The following ATG7 variants were observed in gnomAD, a reference collection of about 807,000 sequenced individuals.
ATG7 encodes the protein ubiquitin-like modifier-activating enzyme ATG7.
In ATG7, 70 loss-of-function variants were observed where a neutral mutation model predicts 82.4. The ratio of observed to expected loss-of-function variants is 0.85; its 90% confidence interval spans 0.70 to 1.04. The LOEUF is 1.04. ATG7 is among the 50% of genes least tolerant of loss of function. The pLI is 0.00. For synonymous variants in ATG7, 287 were observed against 313.0 expected, an observed-to-expected ratio of 0.92 and a Z score of 0.88; for missense variants, 792 against 864.3, an observed-to-expected ratio of 0.92 and a Z score of 1.05.
intron 14 of ATG7, among the ~76,000 whole-genome samples, chr3:11,350,061 A>T (rs1261951462): frequency 6.6e-6 from 1 of 152,214 alleles, no homozygotes. Context: ...AGAGGTTCTC[A>T]GTCCTAACAA....
downstream of ATG7, chr3:11,559,275 A>T: frequency 4.1e-6 from 6 of 1,473,984 alleles, no homozygotes; most frequent in Non-Finnish European, 5.4e-6. Context: ...CATGACAGAG[A>T]AGGGCTCTGC....
At chr3:11,491,397 C>T (rs1452087898) in intron 20 of ATG7, among the ~76,000 whole-genome samples, 1 of 152,150 alleles carries the variant, frequency 6.6e-6, no homozygotes, top group African/African-American at 2.4e-5. Context: ...AAGTTTTCAA[C>T]TTCTTTGCCT....
intron 18 of ATG7, among the ~76,000 whole-genome samples, chr3:11,377,611 TAGAGA>T (rs1459807373): frequency 6.6e-6 from 1 of 152,242 alleles, no homozygotes; most frequent in African/African-American, 2.4e-5. Context: ...AAAACCATAT[TAGAGA>T]AAACAGCATG....
chr3:11,435,738 G>C (rs1430544122), intron 20 of ATG7, among the ~76,000 whole-genome samples: 1 of 152,094 alleles, frequency 6.6e-6, no homozygotes, highest in East Asian at 1.9e-4. Context: ...CCATCATTTT[G>C]TAGGATGTGA....
At chr3:11,303,748 T>G (rs897607783) in intron 5 of ATG7, among the ~76,000 whole-genome samples, 18 of 151,042 alleles carry the variant, frequency 1.2e-4, no homozygotes, top group African/African-American at 4.4e-4. Context: ...TGGGTTTCTT[T>G]CCCTTGAGGA....
intron 20 of ATG7, among the ~76,000 whole-genome samples, chr3:11,492,329 G>A (rs1332387710): frequency 3.3e-5 from 5 of 152,140 alleles, no homozygotes; most frequent in Non-Finnish European, 5.9e-5. Flanking sequence ...GCTCGCACAC[G>A]GTGCTCTGCA....
chr3:11,554,919 A>C lies in ATG7; in HGVS notation c.*76A>C, dbSNP rs2072262212. The C allele has an allele frequency of 1.9e-6, 3 of 1,547,534 alleles. No individual in the cohort carries two copies. The highest frequency in any genetic ancestry group is 2.3e-5 in the South Asian group (2 of 85,580). On this transcript the variant is annotated 3_prime_UTR_variant, in exon 21 of 21. Coordinates refer to ENST00000693202, the MANE Select transcript of ATG7 (RefSeq NM_001349232.2). ...CTCCATCGCCAGAGCAGGACTGCTG[A>C]CCCCAGGCCTGGTGATTCTGGGCCC...
rs56783896 is a variant in ATG7 at position 11,504,538 on chromosome 3, G to C, written c.2080-50273G>C. Among the ~76,000 whole-genome samples, 1,487 of 152,336 alleles carry C rather than the reference G, an allele frequency of 9.8e-3. 27 individuals are homozygous for C. Among genetic ancestry groups the C allele is most frequent in the African/African-American group, 0.034 (1,400 of 41,582 alleles). On this transcript the variant is annotated intron_variant, in intron 20 of 20. Transcript: ENST00000693202. ...GAAGCCTGGGGTGGCAGCTGGGCCT[G>C]AAGCACTGAGGATGACTAGAACAGA... is the stretch of plus-strand genomic sequence containing the variant.
intron 20 of ATG7, among the ~76,000 whole-genome samples, chr3:11,468,631 C>T (rs1199774639): frequency 6.6e-6 from 1 of 152,112 alleles, no homozygotes; most frequent in Non-Finnish European, 1.5e-5. Flanking sequence ...AAACACAGCC[C>T]TAGAAAGAGG....
chr3:11,462,897 A>G (rs925155833), intron 20 of ATG7, among the ~76,000 whole-genome samples: 1 of 94,154 alleles, frequency 1.1e-5, no homozygotes, highest in Non-Finnish European at 2.3e-5. Flanking sequence ...TTATTTATTT[A>G]TTTTTGAGAC....
At chr3:11,351,145 G>A (rs188328857) in intron 14 of ATG7, among the ~76,000 whole-genome samples, 20 of 152,166 alleles carry the variant, frequency 1.3e-4, no homozygotes, top group Non-Finnish European at 1.0e-4. Flanking sequence ...ACTTACTTGC[G>A]TGTCAGGTAG....
Position 11,556,632 on chromosome 3 carries a change from C to CAAA in ATG7, c.*1795_*1797dup, listed in dbSNP as rs61586366. On this transcript the variant is annotated 3_prime_UTR_variant, in exon 21 of 21. Coordinates refer to ENST00000693202, the MANE Select transcript of ATG7 (RefSeq NM_001349232.2). The stretch of plus-strand genomic sequence containing the variant: ...AGATCAACTTTTTTTTTCCGAACAA[C>CAAA]AAAAAAAATGAATGATTACAATAGG... 4 of 150,948 alleles carry CAAA rather than the reference C, an allele frequency of 2.6e-5. No individual in the cohort carries two copies. The highest frequency in any genetic ancestry group is 9.8e-5 in the African/African-American group (4 of 40,892). 9.4% of individuals were successfully genotyped at this position (150,948 alleles called of 1,614,324 possible).
intron 20 of ATG7, among the ~76,000 whole-genome samples, chr3:11,443,820 TTCC>T (rs2084239547): frequency 6.6e-6 from 1 of 152,226 alleles, no homozygotes; most frequent in Non-Finnish European, 1.5e-5. Flanking sequence ...ATTTTAATAT[TTCC>T]AAATGAGCTA....
chr3:11,375,142 A>T (rs1306461947), intron 18 of ATG7, among the ~76,000 whole-genome samples: 1 of 151,876 alleles, frequency 6.6e-6, no homozygotes, highest in African/African-American at 2.4e-5. Context: ...CGGGAGTTCA[A>T]GGCTAGAGTA....
rs1043529755 is a variant in ATG7 at position 11,372,815 on chromosome 3, TGCGC to T, written c.1876-7153_1876-7150del. Among the ~76,000 whole-genome samples, 134 of 79,934 alleles carry T rather than the reference TGCGC, an allele frequency of 1.7e-3. 5 individuals carry two copies. The highest frequency in any genetic ancestry group is 5.0e-3 in the African/African-American group (124 of 25,028). 52.4% of individuals were successfully genotyped at this position (79,934 alleles called of 152,430 possible). On this transcript the variant is annotated intron_variant, in intron 18 of 20. Coordinates refer to ENST00000693202, the MANE Select transcript of ATG7 (RefSeq NM_001349232.2). ...GGTAAGGGCTGGGTGTGTGTGTGTG[TGCGC>T]GCGTGTGCGTGTGTGTGCGTGCGTG...
intron 20 of ATG7, among the ~76,000 whole-genome samples, chr3:11,489,348 C>A (rs973550896): frequency 6.6e-6 from 1 of 151,808 alleles, no homozygotes; most frequent in African/African-American, 2.4e-5. Context: ...TTTTTTATTG[C>A]GTCTATTTGA....
chr3:11,510,382 T>TA (rs369095431), intron 20 of ATG7: 18,972 of 344,298 alleles, frequency 0.055, 75 homozygotes, highest in East Asian at 0.17. Flanking sequence ...TGCCCCAGTT[T>TA]AAAAAAAAAA....
chr3:11,548,003 A>G (rs528713867), intron 20 of ATG7, among the ~76,000 whole-genome samples: 10 of 152,050 alleles, frequency 6.6e-5, no homozygotes, highest in Middle Eastern at 6.8e-3. Context: ...CACCACACCC[A>G]ACTAGTTTTT....
Position 11,313,368 on chromosome 3 carries a change from T to C in ATG7, c.476T>C (p.Leu159Ser). ...CYPALCLPES[L>S]PLIQGPVGLD... ...CCTGCCCTCTGTCTTCCAGAGAGTTTACCTCTCATTCAGGGGCCAGTGGGT... is the reference window on the plus strand; with the variant it reads ...CCTGCCCTCTGTCTTCCAGAGAGTTCACCTCTCATTCAGGGGCCAGTGGGT... The change falls in exon 8 of 21, where the codon TTA becomes TCA. Residue 159 changes from leucine (L) to serine (S), a missense_variant. Transcript: ENST00000693202. 1 of 1,613,378 alleles carries C rather than the reference T, an allele frequency of 6.2e-7. No homozygotes were observed. Among genetic ancestry groups the C allele is most frequent in the African/African-American group, 1.3e-5 (1 of 75,038 alleles).
Sources: gnomAD v4.1 joint callset for allele counts (sites outside exome capture counted in the v4.1 genomes callset) on GRCh38, gnomAD v4.1.1 for gene constraint, MANE v1.5 for transcripts, NCBI Gene and HGNC (gene_info 2026-07-23, HGNC 2026-07-21) for gene names.